The following E2F7 variants were observed in gnomAD, a reference collection of about 807,000 sequenced individuals.
E2F7 encodes the protein E2F transcription factor 7.
E2F7 carries 35 observed loss-of-function variants against 81.1 expected under a neutral mutation model. That is an observed-to-expected ratio of 0.43 (90% CI 0.33 to 0.57). E2F7 has a LOEUF of 0.57. E2F7 is among the 20% of genes least tolerant of loss of function. E2F7 has a pLI of 0.04. For missense variants in E2F7, 961 were observed against 1,093.7 expected, an observed-to-expected ratio of 0.88 and a Z score of 1.71; for synonymous variants, 416 against 416.2, an observed-to-expected ratio of 1.00 and a Z score of 0.01.
At chr12:77,057,739 C>T (rs1453011934) in intron 2 of E2F7, among the ~76,000 whole-genome samples, 1 of 152,104 alleles carries the variant, frequency 6.6e-6, no homozygotes, top group Non-Finnish European at 1.5e-5. Context: ...AAAAAAGTTT[C>T]AAAAATTCAA....
chr12:77,053,450 A>C (rs1159843366), intron 3 of E2F7, among the ~76,000 whole-genome samples: 1 of 152,180 alleles, frequency 6.6e-6, no homozygotes, highest in African/African-American at 2.4e-5. Context: ...TCCAGTGTAC[A>C]CTTGGGAGAG....
chr12:77,030,635 T>C (rs1191123890), intron 9 of E2F7, among the ~76,000 whole-genome samples: 1 of 152,186 alleles, frequency 6.6e-6, no homozygotes, highest in Non-Finnish European at 1.5e-5. Flanking sequence ...ATCAAGCACT[T>C]ACACCCTTGC....
At chr12:77,063,962 T>C (rs1383659369) in intron 2 of E2F7, among the ~76,000 whole-genome samples, 3 of 152,358 alleles carry the variant, frequency 2.0e-5, no homozygotes, top group Non-Finnish European at 4.4e-5. Context: ...GAAAACAACA[T>C]CTTGGTCTTA....
chr12:77,022,926 CAT>C lies in E2F7; in HGVS notation c.*1087_*1088del, dbSNP rs1352298186. On this transcript the variant is annotated 3_prime_UTR_variant, in exon 13 of 13. Transcript: ENST00000322886. ...AGTTTGAATACCCTTGGATATGAAACATATGTCCATTTTCCCTCTTACTCTTC... is the reference window on the plus strand; with the variant it reads ...AGTTTGAATACCCTTGGATATGAAACATGTCCATTTTCCCTCTTACTCTTC... 6.6e-6 allele frequency: 1 copy of C among 152,186 alleles called. No individual in the cohort carries two copies. The highest frequency in any genetic ancestry group is 1.5e-5 in the Non-Finnish European group (1 of 68,028). 9.4% of individuals were successfully genotyped at this position (152,186 alleles called of 1,614,324 possible).
intron 12 of E2F7, among the ~76,000 whole-genome samples, chr12:77,024,433 G>C (rs1053669837): frequency 6.6e-6 from 1 of 152,178 alleles, no homozygotes; most frequent in Non-Finnish European, 1.5e-5. Context: ...TGGAGCCAGG[G>C]ACTGGGCTCT....
At position 77,029,871 on chromosome 12, in the gene E2F7, C is replaced by T; in HGVS notation, c.1844G>A (p.Arg615Lys). The change falls in exon 10 of 13, where the codon AGG becomes AAG. Residue 615 changes from arginine to lysine, a missense_variant. Around this residue, in one of 3 missense-constraint regions of E2F7, gnomAD observed 587 missense variants for 620.3 expected, o/e 0.95. Coordinates refer to ENST00000322886, the MANE Select transcript of E2F7 (RefSeq NM_203394.3). The stretch of plus-strand genomic sequence containing the variant: ...CGACAGCGGGCCGTCTTCATATTCC[C>T]TACTTTGCCTTTTAGTGGCTGGCTC... ...EDEPATKRQS[R>K]EYEDGPLSLV... 6.2e-7 allele frequency: 1 copy of T among 1,614,246 alleles called. No individual in the cohort carries two copies.
At chr12:77,026,015 A>G (rs1311010092) in intron 11 of E2F7, 33 bp from the exon 12 acceptor site, 7 of 1,565,464 alleles carry the variant, frequency 4.5e-6, no homozygotes, top group Middle Eastern at 3.5e-4. Context: ...GAAAATCAAT[A>G]TATGTCATCA....
At chr12:77,043,242 A>G in intron 6 of E2F7, 43 bp from the exon 7 acceptor site, 1 of 1,610,982 alleles carries the variant, frequency 6.2e-7, no homozygotes, top group Non-Finnish European at 8.5e-7. Flanking sequence ...TGCCTGTGAC[A>G]CCATGACAGT....
intron 4 of E2F7, 107 bp downstream of exon 4, chr12:77,050,469 T>C: frequency 8.5e-7 from 1 of 1,176,472 alleles, no homozygotes; most frequent in East Asian, 2.4e-5. Flanking sequence ...TCCTCTGTCT[T>C]CACCCGATTG....
In E2F7 at chr12:77,028,013, T is replaced by A; in HGVS notation, c.2010A>T (p.Thr670=). The change falls in exon 11 of 13, where the codon ACA becomes ACT. Residue 670 remains threonine (T), a synonymous_variant. Coordinates refer to ENST00000322886, the MANE Select transcript of E2F7 (RefSeq NM_203394.3). ...ACTCAGAAGAAACAAGAGAGTTTGC[T>A]GTTGCCTTTCCTGAAATCTCTTCTG... is the stretch of plus-strand genomic sequence containing the variant. ...PAAEEISGKA[T]ANSLVSSEWG... The A allele has an allele frequency of 6.2e-7, 1 of 1,614,224 alleles. No individual in the cohort carries two copies. Among genetic ancestry groups the A allele is most frequent in the Non-Finnish European group, 8.5e-7 (1 of 1,180,044 alleles).
intron 7 of E2F7, among the ~76,000 whole-genome samples, chr12:77,039,959 G>C (rs189454254): frequency 1.1e-3 from 170 of 152,268 alleles, no homozygotes; most frequent in African/African-American, 3.7e-3. Context: ...ATTATGCTGA[G>C]TGAAAGGAGC....
At position 77,064,631 on chromosome 12, in the gene E2F7, T is replaced by A. The variant is rs1955103180; in HGVS notation, c.5A>T (p.Glu2Val). The A allele has an allele frequency of 6.2e-7, 1 of 1,613,218 alleles. No individual in the cohort carries two copies. Among genetic ancestry groups the A allele is most frequent in the Admixed American group, 1.7e-5 (1 of 59,832 alleles). Reference sequence around the variant, plus strand: ...GTCTTTTAGTGTTAAACAATTTACCTCCATCTGTAATGCACAATTACACTA... The same window carrying A: ...GTCTTTTAGTGTTAAACAATTTACCACCATCTGTAATGCACAATTACACTA... M[E>V]VNCLTLKDLI... Residue 2 changes from glutamate (E) to valine (V), a missense_variant, in exon 2 of 13, where the codon GAG becomes GTG. Coordinates refer to ENST00000322886, the MANE Select transcript of E2F7 (RefSeq NM_203394.3).
At chr12:77,046,449 G>A (rs1295625998) in intron 4 of E2F7, 121 bp from the exon 5 acceptor site, 4 of 1,047,052 alleles carry the variant, frequency 3.8e-6, no homozygotes, top group Non-Finnish European at 5.4e-6. Context: ...AATGCCCACT[G>A]CGTGGATGCT....
chr12:77,022,194 C>T lies in E2F7; in HGVS notation c.*1821G>A, dbSNP rs1019018213. 1 of 152,132 alleles carries T rather than the reference C, an allele frequency of 6.6e-6. No individual in the cohort carries two copies. Among genetic ancestry groups the T allele is most frequent in the Non-Finnish European group, 1.5e-5 (1 of 68,024 alleles). The allele number at this position is 152,132 out of a possible 1,614,324, so 9.4% of individuals were successfully genotyped here. A position where few individuals can be genotyped will look rare whatever the true frequency, so the allele number is the denominator to read the frequency against. On this transcript the variant is annotated 3_prime_UTR_variant, in exon 13 of 13. Transcript: ENST00000322886. The stretch of plus-strand genomic sequence containing the variant: ...AGAATTAACATGCATATACCCTGCA[C>T]AGATTGAAACCTGAAAAAGGTATAT...
At chr12:77,063,308 A>G (rs1284246785) in intron 2 of E2F7, among the ~76,000 whole-genome samples, 1 of 152,226 alleles carries the variant, frequency 6.6e-6, no homozygotes, top group Non-Finnish European at 1.5e-5. Context: ...ACTTAAGGAA[A>G]GAAAATCGTA....
At chr12:77,047,673 G>T (rs953494150) in intron 4 of E2F7, among the ~76,000 whole-genome samples, 1 of 152,158 alleles carries the variant, frequency 6.6e-6, no homozygotes, top group African/African-American at 2.4e-5. Flanking sequence ...GAGAACTCCA[G>T]AGCTGATAGG....
chr12:77,054,471 C>G (rs1012481200), intron 3 of E2F7, among the ~76,000 whole-genome samples: 4 of 151,982 alleles, frequency 2.6e-5, no homozygotes, highest in African/African-American at 9.7e-5. Flanking sequence ...TGTATAACAC[C>G]TGTATACCAA....
intron 2 of E2F7, among the ~76,000 whole-genome samples, 158 bp from the exon 3 acceptor site, chr12:77,056,288 G>C (rs548644624): frequency 6.6e-6 from 1 of 152,300 alleles, no homozygotes; most frequent in South Asian, 2.1e-4. Context: ...AAGTAGTCAT[G>C]GGAATAGAAG....
chr12:77,031,617 C>T (rs548355919), intron 9 of E2F7, among the ~76,000 whole-genome samples: 4 of 152,002 alleles, frequency 2.6e-5, no homozygotes, highest in South Asian at 4.2e-4. Flanking sequence ...CCCCAGCCTG[C>T]GCAACAGAGT....
Sources: allele counts gnomAD v4.1 joint callset (sites outside exome capture counted in the v4.1 genomes callset), GRCh38; gene constraint gnomAD v4.1.1; regional missense constraint gnomAD v4.1.1; transcripts MANE v1.5; gene names NCBI Gene and HGNC (gene_info 2026-07-23, HGNC 2026-07-21).